The following CIBAR2 variants were observed in gnomAD, a reference collection of about 807,000 sequenced individuals.
CIBAR2 encodes the protein CBY1-interacting BAR domain-containing protein 2.
A neutral mutation model predicts 36.2 loss-of-function variants in CIBAR2; 38 were observed. The ratio of observed to expected loss-of-function variants is 1.05; its 90% CI spans 0.81 to 1.38. CIBAR2 has a LOEUF of 1.38. Ranked by LOEUF, CIBAR2 falls within the 40% of genes most tolerant of loss-of-function variation. The pLI is 0.00. For missense variants in CIBAR2, 481 were observed against 383.4 expected (o/e 1.25, Z -2.13); for synonymous variants, 182 against 149.5 (o/e 1.22, Z -1.58).
intron 7 of CIBAR2, among the ~76,000 whole-genome samples, chr16:85,101,473 A>G (rs1055022105): frequency 2.6e-5 from 4 of 152,054 alleles, no homozygotes; most frequent in African/African-American, 4.8e-5. Flanking sequence ...CCCCAGACCC[A>G]CAGAAAAGAA....
chr16:85,107,638 C>A, intron 5 of CIBAR2, 29 bp downstream of exon 5: 1 of 1,612,648 alleles, frequency 6.2e-7, no homozygotes. Context: ...TGTGATTCTG[C>A]CTGCCCCAGA....
chr16:85,100,067 G>C (rs2073942984), intron 8 of CIBAR2, 72 bp downstream of exon 8: 3 of 1,178,892 alleles, frequency 2.5e-6, no homozygotes, highest in East Asian at 2.6e-5. Flanking sequence ...TAATCCCTGG[G>C]GTTACTACCA....
At chr16:85,105,989 G>C (rs1055614272) in intron 5 of CIBAR2, among the ~76,000 whole-genome samples, 1 of 152,144 alleles carries the variant, frequency 6.6e-6, no homozygotes, top group Admixed American at 6.5e-5. Flanking sequence ...ACCTTTCTTG[G>C]TTTCAGATTC....
Position 85,112,395 on chromosome 16 carries a change from C to T in CIBAR2, c.-43G>A. 6.2e-7 allele frequency: 1 copy of T among 1,602,596 alleles called. No homozygotes were observed. Among genetic ancestry groups the T allele is most frequent in the Non-Finnish European group, 8.5e-7 (1 of 1,169,706 alleles). On this transcript the variant is annotated 5_prime_UTR_variant, in exon 1 of 9. Transcript: ENST00000539556. ...CTGTCCCGGTGCTGGGGAATAAGGA[C>T]AGGGCCCCAGGGGTCCTGCAGGCCT...
chr16:85,110,930 C>T (rs1052096043), intron 1 of CIBAR2, among the ~76,000 whole-genome samples: 22 of 152,104 alleles, frequency 1.4e-4, no homozygotes, highest in Non-Finnish European at 2.9e-4. Context: ...GTCTTGAACT[C>T]CTGACCTCAG....
chr16:85,099,463 G>A (rs1270780236), intron 8 of CIBAR2, 117 bp from the exon 9 acceptor site: 14 of 668,812 alleles, frequency 2.1e-5, no homozygotes, highest in Non-Finnish European at 3.2e-5. Context: ...TGGAACCCGC[G>A]GGCCCACGGG....
chr16:85,105,309 C>A lies in CIBAR2; in HGVS notation c.537+18G>T, dbSNP rs745883353. The A allele has an allele frequency of 6.3e-7, 1 of 1,575,416 alleles. No homozygotes were observed. Among genetic ancestry groups the A allele is most frequent in the South Asian group, 1.1e-5 (1 of 90,176 alleles). ...AAGGCAGCCCAGGGCGCCTCCCATC[C>A]CGGCCAACCACCCTCACCTGCAGGT... On this transcript the variant is annotated intron_variant, in intron 6 of 8. Coordinates refer to ENST00000539556, the MANE Select transcript of CIBAR2 (RefSeq NM_198491.3).
In CIBAR2 at chr16:85,102,219, G is replaced by T. The variant is rs1390333359; in HGVS notation, c.646C>A (p.Leu216Ile). 3 of 1,571,728 alleles carry T rather than the reference G, an allele frequency of 1.9e-6. No individual in the cohort carries two copies. The highest frequency in any genetic ancestry group is 2.6e-6 in the Non-Finnish European group (3 of 1,141,288). ...TLEKYDLERD[L>I]LDFRAKMQGV... The stretch of plus-strand genomic sequence containing the variant: ...ACGGGGTGTCTGTGACTCACCAGTA[G>T]ATCCCTCTCCAGGTCATACTTCTCC... The change falls in exon 7 of 9, where the codon CTA becomes ATA. Residue 216 changes from leucine to isoleucine, a missense_variant. Leu to Ile is a conservative substitution (Grantham distance 5). Coordinates refer to ENST00000539556, the MANE Select transcript of CIBAR2 (RefSeq NM_198491.3).
At position 85,099,175 on chromosome 16, in the gene CIBAR2, C is replaced by A; in HGVS notation, c.*10G>T. 6.5e-7 allele frequency: 1 copy of A among 1,550,196 alleles called. No homozygotes were observed. The highest frequency in any genetic ancestry group is 1.4e-5 in the African/African-American group (1 of 72,282). ...TTTAAACGGCTTGGGATTGCACTTA[C>A]CCTACGTCGTTAGAGAGAATGTCCT... On this transcript the variant is annotated 3_prime_UTR_variant, in exon 9 of 9. Coordinates refer to ENST00000539556, the MANE Select transcript of CIBAR2 (RefSeq NM_198491.3).
At position 85,098,562 on chromosome 16, in the gene CIBAR2, T is replaced by C. The variant is rs548385729; in HGVS notation, c.*623A>G. On this transcript the variant is annotated 3_prime_UTR_variant, in exon 9 of 9. Coordinates refer to ENST00000539556, the MANE Select transcript of CIBAR2 (RefSeq NM_198491.3). The stretch of plus-strand genomic sequence containing the variant: ...AAGTTCTTCTGACTGTTGTGGGCAG[T>C]TCTCTCTTATGGGGTCCCTGCCCCA... 11 of 985,986 alleles carry C rather than the reference T, an allele frequency of 1.1e-5. No individual in the cohort carries two copies. In the African/African-American group the frequency reaches 1.9e-4, roughly 17 times the overall value. 61.1% of individuals were successfully genotyped at this position (985,986 alleles called of 1,614,324 possible).
rs117095136 is a variant in CIBAR2, at chr16:85,098,890, C to T, written c.*295G>A. 0.019 allele frequency: 4,941 copies of T among 265,220 alleles called. 81 individuals are homozygous for T. The highest frequency in any genetic ancestry group is 0.038 in the Admixed American group (749 of 19,462). 16.4% of individuals were successfully genotyped at this position (265,220 alleles called of 1,614,324 possible). A position where few individuals can be genotyped will look rare whatever the true frequency, so the allele number is the denominator to read the frequency against. ...AGGCACAGAGAGGCTAGGAGACTTT[C>T]CCAAGGTCACACCGCCGGGAGCAGT... On this transcript the variant is annotated 3_prime_UTR_variant, in exon 9 of 9. Coordinates refer to ENST00000539556, the MANE Select transcript of CIBAR2 (RefSeq NM_198491.3).
At chr16:85,102,085 A>T in intron 7 of CIBAR2, 129 bp downstream of exon 7, 1 of 623,974 alleles carries the variant, frequency 1.6e-6, no homozygotes. Context: ...ACAACGCTTC[A>T]TCAGCATGAG....
In CIBAR2 at chr16:85,100,180, T is replaced by G. The variant is rs1327940741; in HGVS notation, c.712A>C (p.Thr238Pro). The G allele has an allele frequency of 1.2e-6, 2 of 1,611,476 alleles. No individual in the cohort carries two copies. Among genetic ancestry groups the G allele is most frequent in the Non-Finnish European group, 1.7e-6 (2 of 1,179,160 alleles). Residue 238 changes from threonine (T) to proline (P), a missense_variant, in exon 8 of 9, where the codon ACC (threonine) becomes CCC (proline). By Grantham distance (38) the Thr-to-Pro change is conservative (BLOSUM62 -1). Transcript: ENST00000539556. ...GHYDTRLLANTSPPPSVLQSL... is the reference protein window; with the variant it reads ...GHYDTRLLANPSPPPSVLQSL... ...TGAAGAACAGATGGAGGGGGGCTGG[T>G]GTTGGCAAGCAGCCGAGTGTCATAA...
At chr16:85,112,218 C>A (rs547668357) in intron 1 of CIBAR2, 115 bp downstream of exon 1, 14 of 871,996 alleles carry the variant, frequency 1.6e-5, no homozygotes, top group Admixed American at 5.7e-5. Context: ...GCTCCCCTCA[C>A]CCCCAACCCC....
chr16:85,099,105 A>T lies in CIBAR2; in HGVS notation c.*80T>A. The T allele has an allele frequency of 7.0e-7, 1 of 1,425,414 alleles. No homozygotes were observed. The highest frequency in any genetic ancestry group is 2.6e-5 in the Admixed American group (1 of 37,894). The allele number at this position is 1,425,414 out of a possible 1,614,324, so 88.3% of individuals were successfully genotyped here. On this transcript the variant is annotated 3_prime_UTR_variant, in exon 9 of 9. Transcript: ENST00000539556. ...ACAATCCAACAAAGACAAAGAAAAAAGAATCAGAAAATAAGAACAAAGCCT... is the reference window on the plus strand; with the variant it reads ...ACAATCCAACAAAGACAAAGAAAAATGAATCAGAAAATAAGAACAAAGCCT...
intron 6 of CIBAR2, among the ~76,000 whole-genome samples, chr16:85,104,415 A>G (rs557178872): frequency 2.0e-5 from 3 of 152,290 alleles, no homozygotes; most frequent in South Asian, 4.1e-4. Flanking sequence ...CTGCCTTTTA[A>G]GAGATCCCTG....
chr16:85,110,720 T>TTTTTTTC (rs778091487), intron 1 of CIBAR2, among the ~76,000 whole-genome samples: 19,983 of 134,678 alleles, frequency 0.15, 1,978 homozygotes, highest in Non-Finnish European at 0.18. Context: ...TTTTTTTTTT[T>TTTTTTTC]TGGAGACAGA....
chr16:85,103,718 G>A lies in CIBAR2; in HGVS notation c.538-1391C>T, dbSNP rs149863371. ...CCCTTGTGCATTCATTCATGCAGGC[G>A]TTCACTCATTCGTTCATTCCACAAG... On this transcript the variant is annotated intron_variant, in intron 6 of 8. Transcript: ENST00000539556. Among the ~76,000 whole-genome samples, 788 of 152,318 alleles carry A rather than the reference G, an allele frequency of 5.2e-3. 1 individual carries two copies. Among genetic ancestry groups the A allele is most frequent in the Non-Finnish European group, 6.9e-3 (468 of 68,040 alleles).
chr16:85,108,105 G>C lies in CIBAR2; in HGVS notation c.256-6C>G, dbSNP rs1293361260. 4 of 1,606,960 alleles carry C rather than the reference G, an allele frequency of 2.5e-6. No individual in the cohort carries two copies. In the East Asian group the frequency reaches 6.7e-5, roughly 27 times the overall value. On this transcript the variant is annotated splice_polypyrimidine_tract_variant and splice_region_variant and intron_variant, in intron 2 of 8. Coordinates refer to ENST00000539556, the MANE Select transcript of CIBAR2 (RefSeq NM_198491.3). ...TTGGTCTCCAGCCTCTCGACCTGGGGGAGCGGGGACACCAGGGGATCTGAG... is the reference window on the plus strand; with the variant it reads ...TTGGTCTCCAGCCTCTCGACCTGGGCGAGCGGGGACACCAGGGGATCTGAG...
Sources: allele counts gnomAD v4.1 joint callset (sites outside exome capture counted in the v4.1 genomes callset), GRCh38; gene constraint gnomAD v4.1.1; transcripts MANE v1.5; gene names NCBI Gene and HGNC (gene_info 2026-07-23, HGNC 2026-07-21).